Variants in CDH18 observed in about 807,000 individuals in gnomAD.
The protein encoded by CDH18 is cadherin-18.
A neutral mutation model predicts 67.9 loss-of-function variants in CDH18; 31 were observed. The observed-to-expected ratio is 0.46, with a 90% CI of 0.34 to 0.62. The LOEUF is 0.62. Ranked by LOEUF, CDH18 falls within the 20% of genes least tolerant of loss-of-function variation. CDH18 has a pLI of 0.01. For synonymous variants in CDH18, 362 were observed against 347.2 expected, an observed-to-expected ratio of 1.04 and a Z score of -0.48; for missense variants, 890 against 975.5, an observed-to-expected ratio of 0.91 and a Z score of 1.17.
intron 2 of CDH18, among the ~76,000 whole-genome samples, chr5:20,194,873 T>C (rs925185): frequency 0.39 from 58,778 of 151,792 alleles, 13,602 homozygotes; most frequent in Middle Eastern, 0.59. Flanking sequence ...CACCATAACT[T>C]CAAGCTTGAT....
intron 1 of CDH18, among the ~76,000 whole-genome samples, chr5:20,345,971 A>T (rs1158522435): frequency 1.3e-5 from 2 of 152,322 alleles, no homozygotes; most frequent in Middle Eastern, 3.4e-3. Flanking sequence ...TACCATCAGG[A>T]GTACCTCTTG....
At chr5:20,209,822 A>G (rs1487583517) in intron 2 of CDH18, among the ~76,000 whole-genome samples, 1 of 147,764 alleles carries the variant, frequency 6.8e-6, no homozygotes, top group Non-Finnish European at 1.5e-5. Context: ...CCGTGATTTG[A>G]TATTTACACA....
At chr5:20,399,907 G>C (rs1052363437) in intron 1 of CDH18, among the ~76,000 whole-genome samples, 3 of 152,076 alleles carry the variant, frequency 2.0e-5, no homozygotes, top group Non-Finnish European at 2.9e-5. Context: ...CTCAAACAGG[G>C]GTAATCCAGA....
intron 2 of CDH18, among the ~76,000 whole-genome samples, chr5:20,005,807 A>C (rs1187325469): frequency 1.3e-5 from 2 of 152,006 alleles, no homozygotes; most frequent in African/African-American, 4.8e-5. Context: ...TTCTTAGACC[A>C]ACTAAATTAG....
intron 1 of CDH18, among the ~76,000 whole-genome samples, chr5:20,447,300 TGTTATTAAGAGGCGAA>T (rs967440921): frequency 1.6e-4 from 25 of 152,010 alleles, no homozygotes; most frequent in African/African-American, 5.8e-4. Context: ...GCCAATGTGA[TGTTATTAAGAGGCGAA>T]GCCTTTAAGA....
intron 2 of CDH18, among the ~76,000 whole-genome samples, chr5:20,011,720 T>C (rs903398209): frequency 2.0e-5 from 3 of 152,120 alleles, no homozygotes; most frequent in African/African-American, 7.2e-5. Context: ...AATCATGTGG[T>C]TTCAGTTCTG....
intron 3 of CDH18, among the ~76,000 whole-genome samples, chr5:19,779,088 A>C (rs1325840150): frequency 6.6e-6 from 1 of 152,162 alleles, no homozygotes; most frequent in Non-Finnish European, 1.5e-5. Flanking sequence ...ATACTTTAAA[A>C]ATTTTTATAT....
intron 2 of CDH18, among the ~76,000 whole-genome samples, chr5:19,922,220 T>C (rs891452682): frequency 6.6e-6 from 1 of 152,186 alleles, no homozygotes; most frequent in Non-Finnish European, 1.5e-5. Context: ...CTAGTGATAA[T>C]AATTTAATAG....
intron 4 of CDH18, among the ~76,000 whole-genome samples, chr5:19,741,530 G>A (rs1395939005): frequency 9.2e-5 from 14 of 151,506 alleles, no homozygotes; most frequent in Admixed American, 7.2e-4. Context: ...TTTATTCTAC[G>A]ACTTTCCTCA....
chr5:20,305,466 G>C, intron 1 of CDH18: 1 of 1,373,576 alleles, frequency 7.3e-7, no homozygotes. Context: ...AACCTCCTCA[G>C]CGGCCGCCGC....
chr5:19,979,718 A>C (rs1798849743), intron 2 of CDH18, among the ~76,000 whole-genome samples: 1 of 152,206 alleles, frequency 6.6e-6, no homozygotes, highest in Non-Finnish European at 1.5e-5. Flanking sequence ...TGACTAATAA[A>C]ATACATAGAT....
At chr5:20,525,959 T>G (rs1196164720) in intron 1 of CDH18, among the ~76,000 whole-genome samples, 2 of 152,176 alleles carry the variant, frequency 1.3e-5, no homozygotes, top group East Asian at 3.9e-4. Flanking sequence ...GTGTCTTGTT[T>G]GACAATGAGA....
chr5:19,507,510 G>A (rs1289760101), intron 10 of CDH18, among the ~76,000 whole-genome samples: 1 of 152,142 alleles, frequency 6.6e-6, no homozygotes, highest in East Asian at 1.9e-4. Flanking sequence ...CAACCCAAAT[G>A]TCCAACAATG....
rs552498951 is a variant in CDH18, at chr5:19,549,570, GA to G, written c.1254-5566del. Among the ~76,000 whole-genome samples the G allele has an allele frequency of 8.3e-5, 12 of 143,776 alleles. No individual in the cohort carries two copies. In the South Asian group the frequency reaches 2.1e-3, roughly 25 times the overall value. 94.3% of individuals were successfully genotyped at this position (143,776 alleles called of 152,430 possible). A position where few individuals can be genotyped will look rare whatever the true frequency, so the allele number is the denominator to read the frequency against. On this transcript the variant is annotated intron_variant, in intron 8 of 12. Transcript: ENST00000382275. The stretch of plus-strand genomic sequence containing the variant: ...AGAATGAAAGATATATATTAAAAAA[GA>G]GAGAATATGTCAAATAGTTTACTTC...
At chr5:20,219,825 T>C (rs1741081807) in intron 2 of CDH18, among the ~76,000 whole-genome samples, 1 of 151,758 alleles carries the variant, frequency 6.6e-6, no homozygotes, top group Non-Finnish European at 1.5e-5. Flanking sequence ...AGAAGGAACA[T>C]ATAACACAAT....
chr5:20,044,895 C>T (rs939959533), intron 2 of CDH18, among the ~76,000 whole-genome samples: 2 of 152,002 alleles, frequency 1.3e-5, no homozygotes, highest in South Asian at 2.1e-4. Context: ...TATGTTCCAG[C>T]CATGATCTTT....
chr5:20,237,286 C>T (rs1007962312), intron 2 of CDH18, among the ~76,000 whole-genome samples: 6 of 151,758 alleles, frequency 4.0e-5, no homozygotes, highest in African/African-American at 1.2e-4. Context: ...TATATTTGCT[C>T]TCATTAATTC....
At chr5:19,493,073 A>G (rs1171382289) in intron 11 of CDH18, among the ~76,000 whole-genome samples, 1 of 152,182 alleles carries the variant, frequency 6.6e-6, no homozygotes, top group Non-Finnish European at 1.5e-5. Context: ...TTAATCTACT[A>G]CTTACTGAAA....
intron 2 of CDH18, among the ~76,000 whole-genome samples, chr5:20,178,756 G>A (rs1176407379): frequency 6.6e-6 from 1 of 152,014 alleles, no homozygotes. Flanking sequence ...ATGTAGATTT[G>A]AGTCATACAA....
Sources: allele counts gnomAD v4.1 joint callset (sites outside exome capture counted in the v4.1 genomes callset), GRCh38; gene constraint gnomAD v4.1.1; transcripts MANE v1.5; gene names NCBI Gene and HGNC (gene_info 2026-07-23, HGNC 2026-07-21).